Variants in CTIF observed in about 807,000 individuals in gnomAD.
CTIF encodes CBP80/20-dependent translation initiation factor.
A neutral mutation model predicts 66.0 loss-of-function variants in CTIF; 21 were observed. That is an observed-to-expected ratio of 0.32 (90% CI 0.23 to 0.46). The LOEUF (loss-of-function observed/expected upper bound fraction) is 0.46, where lower values mean the gene tolerates loss of function less well. Among genes scored for constraint, CTIF ranks in the 20% least tolerant of loss-of-function variants. CTIF has a pLI of 1.00. For missense variants in CTIF, 739 were observed against 812.7 expected (o/e 0.91, Z 1.10); for synonymous variants, 345 against 326.4 (o/e 1.06, Z -0.62).
At chr18:48,654,869 C>G (rs1371324608) in intron 3 of CTIF, among the ~76,000 whole-genome samples, 1 of 151,836 alleles carries the variant, frequency 6.6e-6, no homozygotes, top group Non-Finnish European at 1.5e-5. Flanking sequence ...CAAACTATCA[C>G]AAGGACAGAA....
chr18:48,549,958 TC>T (rs2088844140), intron 1 of CTIF, among the ~76,000 whole-genome samples: 1 of 152,208 alleles, frequency 6.6e-6, no homozygotes, highest in Non-Finnish European at 1.5e-5. Flanking sequence ...TTTTTATATC[TC>T]AATATTGTTG....
chr18:48,719,052 T>C (rs2092308679), intron 7 of CTIF, among the ~76,000 whole-genome samples: 1 of 152,222 alleles, frequency 6.6e-6, no homozygotes. Context: ...CTCTTAATTC[T>C]ACGCTGTCTG....
chr18:48,617,209 A>G (rs895498636), intron 1 of CTIF, among the ~76,000 whole-genome samples: 1 of 152,160 alleles, frequency 6.6e-6, no homozygotes, highest in African/African-American at 2.4e-5. Flanking sequence ...GGCTGCCCAC[A>G]TGCCTTACCA....
In CTIF at chr18:48,761,099, T is replaced by C; in HGVS notation, c.1072-291T>C. On this transcript the variant is annotated intron_variant, in intron 8 of 11. Transcript: ENST00000256413. The surrounding 1 kb of genome is among the most constrained non-coding windows in gnomAD (Gnocchi z 4.2). Reference sequence around the variant, plus strand: ...TAAATCTTTTCTAGATTAAGATATTTGATGGACAAATAAACAAAAAAAGCC... The same window carrying C: ...TAAATCTTTTCTAGATTAAGATATTCGATGGACAAATAAACAAAAAAAGCC... 1 of 309,882 alleles carries C rather than the reference T, an allele frequency of 3.2e-6. No individual in the cohort carries two copies. The highest frequency in any genetic ancestry group is 5.9e-6 in the Non-Finnish European group (1 of 170,396). 19.2% of individuals were successfully genotyped at this position (309,882 alleles called of 1,614,324 possible). A position where few individuals can be genotyped will look rare whatever the true frequency, so the allele number is the denominator to read the frequency against.
chr18:48,830,241 T>G (rs920387451), intron 10 of CTIF, among the ~76,000 whole-genome samples: 2 of 152,228 alleles, frequency 1.3e-5, no homozygotes, highest in Non-Finnish European at 2.9e-5. Flanking sequence ...CTTGGCTCAC[T>G]ACAACCTCCG....
intron 1 of CTIF, among the ~76,000 whole-genome samples, chr18:48,611,402 G>T (rs1276459994): frequency 2.0e-5 from 3 of 152,258 alleles, no homozygotes; most frequent in African/African-American, 7.2e-5. Context: ...CCTGGGCCCT[G>T]CGTGGGCCAT....
chr18:48,830,451 G>A lies in CTIF; in HGVS notation c.1527+13075G>A, dbSNP rs545407180. Reference sequence around the variant, plus strand: ...GGTGCTGGGATTACAGGCTACAGGCGTGAACCACCGCGCCCGGCCAGATTT... The same window carrying A: ...GGTGCTGGGATTACAGGCTACAGGCATGAACCACCGCGCCCGGCCAGATTT... On this transcript the variant is annotated intron_variant, in intron 10 of 11. Coordinates refer to ENST00000256413, the MANE Select transcript of CTIF (RefSeq NM_014772.3). Among the ~76,000 whole-genome samples, 11 of 152,254 alleles carry A rather than the reference G, an allele frequency of 7.2e-5. No homozygotes were observed. The East Asian group carries it at 7.7e-4, about 11-fold the overall frequency.
chr18:48,625,155 T>G, intron 2 of CTIF: 1 of 957,074 alleles, frequency 1.0e-6, no homozygotes, highest in Non-Finnish European at 1.2e-6. Flanking sequence ...CCTTCTGCCC[T>G]TAAATTCATT....
At chr18:48,565,475 C>T (rs566729825) in intron 1 of CTIF, 9 of 152,214 alleles carry the variant, frequency 5.9e-5, no homozygotes, top group South Asian at 2.1e-4. Context: ...TACAAAGATC[C>T]CCCGAGAGAC....
intron 10 of CTIF, among the ~76,000 whole-genome samples, chr18:48,836,433 T>A (rs554560322): frequency 3.4e-4 from 52 of 152,136 alleles, no homozygotes; most frequent in Non-Finnish European, 6.2e-4. Context: ...AGGGGACCCC[T>A]CCACCACCCT....
chr18:48,719,270 A>G (rs527318887), intron 7 of CTIF, among the ~76,000 whole-genome samples: 1 of 152,244 alleles, frequency 6.6e-6, no homozygotes, highest in African/African-American at 2.4e-5. Flanking sequence ...GGGGATACCA[A>G]GTGCCTCTCG....
chr18:48,714,795 A>G (rs552262147), intron 7 of CTIF, among the ~76,000 whole-genome samples: 16 of 152,282 alleles, frequency 1.1e-4, no homozygotes, highest in Admixed American at 3.9e-4. Context: ...CACTCACCCT[A>G]TGATCTTGCC....
At chr18:48,792,856 A>G (rs1244892697) in intron 9 of CTIF, among the ~76,000 whole-genome samples, 1 of 152,272 alleles carries the variant, frequency 6.6e-6, no homozygotes, top group East Asian at 1.9e-4. Context: ...TGCAATAGGA[A>G]GTGGCCAGGT....
intron 1 of CTIF, among the ~76,000 whole-genome samples, chr18:48,553,153 G>A (rs2145554318): frequency 6.6e-6 from 1 of 152,322 alleles, no homozygotes; most frequent in Admixed American, 6.5e-5. Context: ...TTTGCACAAG[G>A]TAGAAATGAT....
At position 48,758,041 on chromosome 18, in the gene CTIF, C is replaced by T. The variant is rs1200322801; in HGVS notation, c.707C>T (p.Ser236Leu). ...CAGGGGGGCTCAGCACCCCACCCCT[C>T]AGGGAGGCCCACTCACCATGGCTAC... ...SYQGGSAPHPSGRPTHHGYSQ... is the reference protein window; with the variant it reads ...SYQGGSAPHPLGRPTHHGYSQ... Residue 236 changes from serine to leucine, a missense_variant, in exon 8 of 12, where the codon TCA becomes TTA. This residue lies in a region of CTIF where 529 missense variants were observed against 520.3 expected (regional missense o/e 1.02). Coordinates refer to ENST00000256413, the MANE Select transcript of CTIF (RefSeq NM_014772.3). 1.2e-6 allele frequency: 2 copies of T among 1,614,096 alleles called. No homozygotes were observed. Among genetic ancestry groups the T allele is most frequent in the South Asian group, 1.1e-5 (1 of 91,072 alleles).
At chr18:48,591,034 C>T (rs1380552526) in intron 1 of CTIF, among the ~76,000 whole-genome samples, 1 of 152,186 alleles carries the variant, frequency 6.6e-6, no homozygotes, top group African/African-American at 2.4e-5. Context: ...GACCTGCTCT[C>T]TCAGGAAGGG....
chr18:48,579,082 C>T (rs2089596961), intron 1 of CTIF, among the ~76,000 whole-genome samples: 1 of 152,152 alleles, frequency 6.6e-6, no homozygotes, highest in African/African-American at 2.4e-5. Flanking sequence ...GACAGTGTCT[C>T]ACTCTGTCAC....
intron 9 of CTIF, among the ~76,000 whole-genome samples, chr18:48,792,905 C>G (rs997813237): frequency 3.3e-5 from 5 of 152,116 alleles, no homozygotes; most frequent in African/African-American, 1.2e-4. Flanking sequence ...GAGGGGTGAT[C>G]TGGATAGAAA....
At chr18:48,782,116 G>A (rs1237553056) in intron 9 of CTIF, among the ~76,000 whole-genome samples, 3 of 151,744 alleles carry the variant, frequency 2.0e-5, no homozygotes, top group Non-Finnish European at 2.9e-5. Flanking sequence ...GCAGGGGTGG[G>A]TCACGGGCCC....
Sources: gnomAD v4.1 joint callset for allele counts (sites outside exome capture counted in the v4.1 genomes callset) on GRCh38, gnomAD v4.1.1 for gene constraint, gnomAD v4.1.1 regional missense constraint, Gnocchi (gnomAD v3.1) non-coding constraint, MANE v1.5 for transcripts, NCBI Gene and HGNC (gene_info 2026-07-23, HGNC 2026-07-21) for gene names.